Variants in CD36 observed in about 807,000 individuals in gnomAD.
The protein encoded by CD36 is platelet glycoprotein 4.
Under a neutral mutation model 55.2 loss-of-function variants are expected in CD36, and 119 were observed. The ratio of observed to expected loss-of-function variants is 2.15; its 90% CI spans 1.86 to 2.51. CD36 has a LOEUF of 2.51. Ranked by LOEUF, CD36 falls within the 30% of genes most tolerant of loss-of-function variation. CD36 has a pLI of 0.00. For missense variants in CD36, 819 were observed against 555.5 expected, an observed-to-expected ratio of 1.47 and a Z score of -4.77; for synonymous variants, 186 against 193.6, an observed-to-expected ratio of 0.96 and a Z score of 0.33.
rs1798042914 is a variant in CD36 at position 80,674,223 on chromosome 7, G to A, written c.*76G>A. On this transcript the variant is annotated intron_variant, in intron 14 of 14. Transcript: ENST00000447544. ...CTTGTTTTCACTTTATCAAAGAGAA[G>A]TTACATATTAGGCCATATATATTTC... is the stretch of plus-strand genomic sequence containing the variant. The A allele has an allele frequency of 8.6e-6, 9 of 1,042,740 alleles. No individual in the cohort carries two copies. In the South Asian group the frequency reaches 1.1e-4, roughly 13 times the overall value. 64.6% of individuals were successfully genotyped at this position (1,042,740 alleles called of 1,614,324 possible).
upstream of CD36, among the ~76,000 whole-genome samples, chr7:80,635,746 C>T (rs1406344488): frequency 2.0e-5 from 3 of 152,108 alleles, no homozygotes; most frequent in Non-Finnish European, 4.4e-5. Context: ...CAAATTCAGA[C>T]TCGGATTCCA....
At chr7:80,629,417 ACT>A (rs1793939474) in intron 1 of CD36, among the ~76,000 whole-genome samples, 2 of 152,046 alleles carry the variant, frequency 1.3e-5, no homozygotes, top group South Asian at 4.1e-4. Context: ...GTCCTATAAC[ACT>A]CTCTATTTAA....
chr7:80,664,300 G>T (rs898570532), intron 6 of CD36, 106 bp from the exon 7 acceptor site: 1 of 727,154 alleles, frequency 1.4e-6, no homozygotes, highest in African/African-American at 1.7e-5. Flanking sequence ...TGTATTTCAA[G>T]TCATTTGAGT....
intron 1 of CD36, among the ~76,000 whole-genome samples, chr7:80,612,113 A>T (rs1792906649): frequency 6.6e-6 from 1 of 152,214 alleles, no homozygotes; most frequent in Non-Finnish European, 1.5e-5. Context: ...TCTTTACAGT[A>T]CAAAGTTCTT....
intron 10 of CD36, among the ~76,000 whole-genome samples, chr7:80,671,686 A>C (rs913334178): frequency 6.6e-6 from 1 of 151,156 alleles, no homozygotes; most frequent in Non-Finnish European, 1.5e-5. Flanking sequence ...AGAAAAAACT[A>C]GTGTTAAATA....
intron 8 of CD36, among the ~76,000 whole-genome samples, chr7:80,667,755 T>TTTTTTTTG (rs1797254443): frequency 1.5e-5 from 1 of 65,508 alleles, no homozygotes. Context: ...TTGTTTTTTT[T>TTTTTTTTG]TTTTTTTTTT....
At chr7:80,604,746 T>A (rs1792449474) in intron 1 of CD36, among the ~76,000 whole-genome samples, 1 of 152,064 alleles carries the variant, frequency 6.6e-6, no homozygotes, top group African/African-American at 2.4e-5. Context: ...GGATAGTTTT[T>A]AAAAATAAAT....
intron 10 of CD36, 146 bp downstream of exon 10, chr7:80,671,310 C>T: frequency 1.7e-6 from 1 of 581,650 alleles, no homozygotes; most frequent in East Asian, 2.9e-5. Context: ...TTACCATAAT[C>T]CTTTAGCAAC....
intron 5 of CD36, 99 bp downstream of exon 5, chr7:80,661,309 T>C: frequency 8.3e-7 from 1 of 1,201,360 alleles, no homozygotes; most frequent in South Asian, 1.3e-5. Flanking sequence ...TGTTTTTCCA[T>C]TTTTATCAAA....
intron 1 of CD36, among the ~76,000 whole-genome samples, chr7:80,624,373 G>T (rs1793636110): frequency 6.6e-6 from 1 of 151,992 alleles, no homozygotes; most frequent in African/African-American, 2.4e-5. Flanking sequence ...AGTATTGTAG[G>T]CATTTAGGCA....
intron 1 of CD36, among the ~76,000 whole-genome samples, chr7:80,619,398 ATTAC>A (rs1375823401): frequency 6.6e-6 from 1 of 152,128 alleles, no homozygotes; most frequent in African/African-American, 2.4e-5. Flanking sequence ...TTCAAGACTT[ATTAC>A]TTAAGAAATA....
chr7:80,650,438 A>G (rs917995884), intron 3 of CD36, among the ~76,000 whole-genome samples: 3 of 151,992 alleles, frequency 2.0e-5, no homozygotes, highest in African/African-American at 7.2e-5. Flanking sequence ...GGAGTCAAAT[A>G]TTTGAATTTT....
intron 11 of CD36, 73 bp downstream of exon 11, chr7:80,672,113 C>T (rs560944068): frequency 2.5e-5 from 30 of 1,181,932 alleles, no homozygotes; most frequent in African/African-American, 6.1e-5. Context: ...ATAATCTTGT[C>T]GATGATTATT....
chr7:80,644,739 C>G (rs1195571588), intron 1 of CD36, among the ~76,000 whole-genome samples: 1 of 152,130 alleles, frequency 6.6e-6, no homozygotes, highest in Non-Finnish European at 1.5e-5. Flanking sequence ...AATACACTTA[C>G]AACATTAACA....
chr7:80,671,024 C>A lies in CD36; in HGVS notation c.866C>A (p.Pro289His), dbSNP rs1797616372. ...TCCGACGTTAATCTGAAAGGAATCCCTGTGTATAGATTTGTTCTTCCATCC... is the reference window on the plus strand; with the variant it reads ...TCCGACGTTAATCTGAAAGGAATCCATGTGTATAGATTTGTTCTTCCATCC... ...FESDVNLKGI[P>H]VYRFVLPSKA... The change falls in exon 10 of 15, where the codon CCT becomes CAT. Residue 289 changes from proline (P) to histidine (H), a missense_variant. Transcript: ENST00000447544. 1 of 1,613,300 alleles carries A rather than the reference C, an allele frequency of 6.2e-7. No individual in the cohort carries two copies. Among genetic ancestry groups the A allele is most frequent in the East Asian group, 2.2e-5 (1 of 44,798 alleles).
intron 3 of CD36, among the ~76,000 whole-genome samples, chr7:80,648,714 G>T (rs1214731735): frequency 6.6e-6 from 1 of 151,958 alleles, no homozygotes; most frequent in African/African-American, 2.4e-5. Flanking sequence ...AAAAGTAAAT[G>T]CTGTAATACT....
chr7:80,657,142 C>G (rs901182692), intron 4 of CD36, among the ~76,000 whole-genome samples: 1 of 152,102 alleles, frequency 6.6e-6, no homozygotes, highest in Non-Finnish European at 1.5e-5. Flanking sequence ...TGGGCCACAG[C>G]AAAGTGCTGG....
intron 3 of CD36, among the ~76,000 whole-genome samples, chr7:80,652,995 C>T (rs1455799148): frequency 1.3e-5 from 2 of 152,134 alleles, no homozygotes; most frequent in Admixed American, 1.3e-4. Context: ...ATGGTTCAAT[C>T]TAACATTACT....
chr7:80,653,086 T>G (rs1314260469), intron 3 of CD36, among the ~76,000 whole-genome samples: 2 of 152,196 alleles, frequency 1.3e-5, no homozygotes, highest in Non-Finnish European at 2.9e-5. Flanking sequence ...TGATTATTAT[T>G]AAGTGATCAA....
Sources: gnomAD v4.1 joint callset for allele counts (sites outside exome capture counted in the v4.1 genomes callset) on GRCh38, gnomAD v4.1.1 for gene constraint, MANE v1.5 for transcripts, NCBI Gene and HGNC (gene_info 2026-07-23, HGNC 2026-07-21) for gene names.